The following RANBP2 variants were observed in gnomAD, a reference collection of about 807,000 sequenced individuals.
RANBP2 encodes RAN binding protein 2, also known as E3 SUMO-protein ligase RanBP2.
In RANBP2, 57 loss-of-function variants were observed where a neutral mutation model predicts 303.6. That is an observed-to-expected ratio of 0.19 (90% CI 0.15 to 0.23). The LOEUF (loss-of-function observed/expected upper bound fraction) is 0.23, where lower values mean the gene tolerates loss of function less well. Among genes scored for constraint, RANBP2 ranks in the 10% least tolerant of loss-of-function variants. The pLI, the probability that RANBP2 is intolerant of heterozygous loss-of-function variation, is 1.00. For synonymous variants in RANBP2, 1,167 were observed against 1,301.5 expected (o/e 0.90, Z 2.23); for missense variants, 3,138 against 3,780.8 (o/e 0.83, Z 4.46).
At chr2:109,277,925 A>G in the RANBP2 span, among the ~76,000 whole-genome samples, 6,104 of 151,926 alleles carry the variant, frequency 0.04, 409 homozygotes, top group African/African-American at 0.14. Context: ...CTATAATCCC[A>G]ACATTTTGGG....
At chr2:109,580,547 G>C in the RANBP2 span, among the ~76,000 whole-genome samples, 1 of 152,124 alleles carries the variant, frequency 6.6e-6, no homozygotes, top group African/African-American at 2.4e-5. Context: ...AGGATGATGA[G>C]GGGATGGTGC....
At chr2:109,728,906 G>C in the RANBP2 span, among the ~76,000 whole-genome samples, 1 of 152,084 alleles carries the variant, frequency 6.6e-6, no homozygotes, top group Non-Finnish European at 1.5e-5. Context: ...CAGTCAGCTT[G>C]CTAAATTCCT....
chr2:109,087,434 C>T, the RANBP2 span, among the ~76,000 whole-genome samples: 9 of 152,264 alleles, frequency 5.9e-5, no homozygotes, highest in East Asian at 1.9e-4. Context: ...ATCACCTATC[C>T]GGCAAAACAG....
the RANBP2 span, among the ~76,000 whole-genome samples, chr2:109,099,497 T>C: frequency 1.3e-5 from 2 of 152,168 alleles, no homozygotes; most frequent in Non-Finnish European, 2.9e-5. Flanking sequence ...TAATGGTGGT[T>C]AGCAAGGTGG....
chr2:108,890,455 G>C, the RANBP2 span, among the ~76,000 whole-genome samples: 2 of 152,036 alleles, frequency 1.3e-5, no homozygotes, highest in African/African-American at 4.8e-5. Flanking sequence ...ATGTTGCCCA[G>C]GCTGGTCTTG....
rs1235464436 is a variant in RANBP2, at chr2:108,758,551, G to A, written c.2602+3G>A. 6.2e-7 allele frequency: 1 copy of A among 1,610,954 alleles called. No individual in the cohort carries two copies. Among genetic ancestry groups the A allele is most frequent in the South Asian group, 1.1e-5 (1 of 90,920 alleles). On this transcript the variant is annotated splice_donor_region_variant and intron_variant, in intron 18 of 28. Coordinates refer to ENST00000283195, the MANE Select transcript of RANBP2 (RefSeq NM_006267.5). Reference sequence around the variant, plus strand: ...ATTTCATGGGGCTCCACTAACAGGTGAGCTGGCAAGTGGATAATCGCATAT... The same window carrying A: ...ATTTCATGGGGCTCCACTAACAGGTAAGCTGGCAAGTGGATAATCGCATAT...
the RANBP2 span, among the ~76,000 whole-genome samples, chr2:109,506,641 G>T: frequency 6.6e-6 from 1 of 152,234 alleles, no homozygotes; most frequent in African/African-American, 2.4e-5. Flanking sequence ...CCGAAGTGTG[G>T]TTCGTATCAT....
At chr2:109,056,669 T>C in the RANBP2 span, among the ~76,000 whole-genome samples, 1 of 152,338 alleles carries the variant, frequency 6.6e-6, no homozygotes, top group Admixed American at 6.5e-5. Context: ...CTAAAGATAA[T>C]TGGTTCTTAG....
the RANBP2 span, among the ~76,000 whole-genome samples, chr2:109,723,538 T>C: frequency 6.6e-6 from 1 of 152,248 alleles, no homozygotes. Flanking sequence ...TGAGCTTTTT[T>C]TCATATATTT....
chr2:108,894,327 A>C, the RANBP2 span: 2 of 152,580 alleles, frequency 1.3e-5, no homozygotes, highest in Non-Finnish European at 2.9e-5. Context: ...CATTTTAGGC[A>C]CTTTGTTTAT....
At chr2:109,549,712 C>G in the RANBP2 span, among the ~76,000 whole-genome samples, 1 of 152,166 alleles carries the variant, frequency 6.6e-6, no homozygotes, top group South Asian at 2.1e-4. Context: ...CCTGAAACCA[C>G]AGGTAGTACC....
chr2:108,910,354 T>C, the RANBP2 span: 1 of 897,158 alleles, frequency 1.1e-6, no homozygotes, highest in Admixed American at 2.0e-5. Flanking sequence ...GTCCCCATAG[T>C]GTCCCAGGCT....
At chr2:109,319,355 A>G in the RANBP2 span, among the ~76,000 whole-genome samples, 2 of 152,216 alleles carry the variant, frequency 1.3e-5, no homozygotes, top group Non-Finnish European at 2.9e-5. Context: ...GCAAAGAGAC[A>G]ATGTCCTGAG....
At chr2:109,505,925 G>A in the RANBP2 span, among the ~76,000 whole-genome samples, 27 of 152,282 alleles carry the variant, frequency 1.8e-4, no homozygotes, top group African/African-American at 5.1e-4. Flanking sequence ...CTGGCAGGCC[G>A]TCCCAGCCAG....
chr2:109,484,296 A>T, the RANBP2 span, among the ~76,000 whole-genome samples: 12 of 151,980 alleles, frequency 7.9e-5, no homozygotes, highest in East Asian at 2.3e-3. Context: ...CGAACTCCTG[A>T]CCTGAGGTGA....
the RANBP2 span, among the ~76,000 whole-genome samples, chr2:109,201,442 C>T: frequency 7.9e-5 from 12 of 152,142 alleles, no homozygotes; most frequent in African/African-American, 2.9e-4. Flanking sequence ...GTATCTCAGC[C>T]GCCACAGGCC....
chr2:109,305,379 G>A, the RANBP2 span, among the ~76,000 whole-genome samples: 1 of 152,096 alleles, frequency 6.6e-6, no homozygotes, highest in Non-Finnish European at 1.5e-5. Context: ...GGCCCATACA[G>A]GTGTCTCGGG....
the RANBP2 span, among the ~76,000 whole-genome samples, chr2:109,590,266 C>G: frequency 6.6e-6 from 1 of 151,844 alleles, no homozygotes; most frequent in African/African-American, 2.4e-5. Context: ...TCGCTAACAC[C>G]GATGCCCCTG....
the RANBP2 span, among the ~76,000 whole-genome samples, chr2:109,035,546 G>A: frequency 4.1e-4 from 56 of 137,450 alleles, no homozygotes; most frequent in South Asian, 0.014. Flanking sequence ...GAAACCACCA[G>A]CAGGCACAGA....
Sources: allele counts gnomAD v4.1 joint callset (sites outside exome capture counted in the v4.1 genomes callset), GRCh38; gene constraint gnomAD v4.1.1; transcripts MANE v1.5; gene names NCBI Gene and HGNC (gene_info 2026-07-23, HGNC 2026-07-21).